ZNF454: variants seen among roughly 807,000 people sequenced by gnomAD.
ZNF454 encodes the protein zinc finger protein 454.
Under a neutral mutation model 48.2 loss-of-function variants are expected in ZNF454, and 30 were observed. That is an observed-to-expected ratio of 0.62 (90% CI 0.47 to 0.84). The LOEUF is 0.84. ZNF454 is among the 40% of genes least tolerant of loss of function. ZNF454 has a pLI of 0.00. For missense variants in ZNF454, 510 were observed against 623.1 expected, an observed-to-expected ratio of 0.82 and a Z score of 1.93; for synonymous variants, 204 against 211.4, an observed-to-expected ratio of 0.97 and a Z score of 0.30.
At chr5:178,989,356 G>A in the ZNF454 span, 1 of 1,613,948 alleles carries the variant, frequency 6.2e-7, no homozygotes, top group South Asian at 1.1e-5. Flanking sequence ...CGAACCAGAT[G>A]TTCCTGCGGT....
chr5:178,952,751 CT>C lies in ZNF454; in HGVS notation c.250+5773del, dbSNP rs113816957. On this transcript the variant is annotated intron_variant, in intron 4 of 4. Transcript: ENST00000519564. ...AATTTCTAATAATATTTACCTTTTT[CT>C]TTTTTTTCTGTGTAAATGTTGTCAA... 4.0e-5 allele frequency among the ~76,000 whole-genome samples: 6 copies of C among 151,444 alleles called. No homozygotes were observed. In the South Asian group the frequency reaches 1.0e-3, roughly 26 times the overall value.
chr5:178,987,047 G>GC, the ZNF454 span: 1 of 1,538,636 alleles, frequency 6.5e-7, no homozygotes, highest in Non-Finnish European at 8.9e-7. Flanking sequence ...TCCTGGGGAG[G>GC]CCCCAGGGAC....
chr5:178,946,765 C>T lies in ZNF454; in HGVS notation c.161-132C>T. 2.4e-6 allele frequency: 2 copies of T among 849,002 alleles called. No homozygotes were observed. Among genetic ancestry groups the T allele is most frequent in the Non-Finnish European group, 3.8e-6 (2 of 530,200 alleles). 52.6% of individuals were successfully genotyped at this position (849,002 alleles called of 1,614,324 possible). Reference sequence around the variant, plus strand: ...AGTAATCTTTTCCTCCCTCTGGGAACACACCTGACCCTGGGCTTTCCTATC... The same window carrying T: ...AGTAATCTTTTCCTCCCTCTGGGAATACACCTGACCCTGGGCTTTCCTATC... On this transcript the variant is annotated intron_variant, in intron 3 of 4. Coordinates refer to ENST00000519564, the MANE Select transcript of ZNF454 (RefSeq NM_001178089.3). The surrounding 1 kb of genome is among the most constrained non-coding windows in gnomAD (Gnocchi z 4.5).
chr5:178,976,456 C>CT, the ZNF454 span, among the ~76,000 whole-genome samples: 2 of 152,006 alleles, frequency 1.3e-5, no homozygotes, highest in South Asian at 4.2e-4. Flanking sequence ...AATAAGCAGT[C>CT]TGTGGGGGGC....
chr5:178,946,443 AGGGACGT>A lies in ZNF454; in HGVS notation c.120_126del (p.Asp41CysfsTer14). ...GAGCCCCGCCCAGAGGGCCCTGTAC[AGGGACGT>A]GATGCTGGAGAACTACAGCAACCTG... On this transcript the variant is annotated frameshift_variant, in exon 3 of 5. Transcript: ENST00000519564. LOFTEE classifies it high-confidence loss of function. The surrounding 1 kb of genome is among the most constrained non-coding windows in gnomAD (Gnocchi z 4.5). 6.2e-7 allele frequency: 1 copy of A among 1,610,432 alleles called. No homozygotes were observed. Among genetic ancestry groups the A allele is most frequent in the Non-Finnish European group, 8.5e-7 (1 of 1,178,996 alleles).
the ZNF454 span, among the ~76,000 whole-genome samples, chr5:178,983,909 A>T: frequency 6.6e-6 from 1 of 152,222 alleles, no homozygotes; most frequent in Non-Finnish European, 1.5e-5. Flanking sequence ...TCACTGTACG[A>T]GAGCGCCTGA....
the ZNF454 span, chr5:178,981,572 G>C: frequency 8.5e-6 from 9 of 1,063,506 alleles, 1 homozygote; most frequent in South Asian, 1.2e-4. This position sits in a 1 kb window ranked among gnomAD's most constrained non-coding sequence, Gnocchi z 5.1. Flanking sequence ...ACTGTTCACC[G>C]TGGACCCGGG....
At chr5:178,976,099 C>G in the ZNF454 span, 1 of 455,674 alleles carries the variant, frequency 2.2e-6, no homozygotes, top group Non-Finnish European at 4.4e-6. Flanking sequence ...GGGCCTTGCA[C>G]TTGCCACTCC....
chr5:178,956,578 C>T (rs906634032), intron 4 of ZNF454, among the ~76,000 whole-genome samples: 3 of 150,958 alleles, frequency 2.0e-5, no homozygotes, highest in Non-Finnish European at 4.4e-5. Flanking sequence ...GGCAAATCCC[C>T]CAGTTCCCTT....
At chr5:178,989,239 C>T in the ZNF454 span, 2 of 1,502,146 alleles carry the variant, frequency 1.3e-6, no homozygotes, top group African/African-American at 1.4e-5. Context: ...ACCCTCCCCA[C>T]CCTCACCACC....
At chr5:178,957,968 G>T (rs528862129) in intron 4 of ZNF454, among the ~76,000 whole-genome samples, 131 of 152,178 alleles carry the variant, frequency 8.6e-4, no homozygotes, top group African/African-American at 3.0e-3. Flanking sequence ...TAGATGATGT[G>T]TTTTTAATCA....
intron 4 of ZNF454, among the ~76,000 whole-genome samples, chr5:178,961,347 C>G (rs1214932019): frequency 6.8e-6 from 1 of 147,354 alleles, no homozygotes; most frequent in Non-Finnish European, 1.5e-5. Flanking sequence ...GTCCTTTTTT[C>G]CTTCCTTCTA....
At chr5:178,983,298 G>T in the ZNF454 span, 1 of 1,282,420 alleles carries the variant, frequency 7.8e-7, no homozygotes, top group Non-Finnish European at 1.1e-6. Flanking sequence ...AGGCCCCTGC[G>T]GGTCAGGATC....
intron 2 of ZNF454, among the ~76,000 whole-genome samples, chr5:178,943,758 G>T (rs753145759): frequency 1.3e-5 from 2 of 152,226 alleles, no homozygotes; most frequent in Non-Finnish European, 2.9e-5. Context: ...AGACGCGGTG[G>T]CTCACGCCTG....
chr5:178,983,679 A>G, the ZNF454 span: 1 of 357,254 alleles, frequency 2.8e-6, no homozygotes, highest in South Asian at 2.1e-5. Flanking sequence ...CACAGGCAAG[A>G]GAAACAAAGG....
the ZNF454 span, chr5:178,989,033 T>G: frequency 2.5e-6 from 4 of 1,614,046 alleles, no homozygotes; most frequent in Non-Finnish European, 3.4e-6. Context: ...GAGCGCCTGG[T>G]GCATGCTGTG....
At chr5:178,956,217 C>A (rs780104408) in intron 4 of ZNF454, among the ~76,000 whole-genome samples, 11 of 152,096 alleles carry the variant, frequency 7.2e-5, no homozygotes, top group Non-Finnish European at 1.5e-4. Flanking sequence ...TCCTGTTTTA[C>A]AGTTAAAATA....
At chr5:178,985,718 A>AAAAAC in the ZNF454 span, 81 of 420,982 alleles carry the variant, frequency 1.9e-4, no homozygotes, top group African/African-American at 1.2e-3. Context: ...AAAAAAACAA[A>AAAAAC]ACAACACAGG....
intron 4 of ZNF454, among the ~76,000 whole-genome samples, chr5:178,962,476 G>A (rs1456806405): frequency 6.6e-6 from 1 of 151,300 alleles, no homozygotes; most frequent in Non-Finnish European, 1.5e-5. Flanking sequence ...TATTTTTGTA[G>A]CTCACTATTC....
Sources: gnomAD v4.1 joint callset for allele counts (sites outside exome capture counted in the v4.1 genomes callset) on GRCh38, gnomAD v4.1.1 for gene constraint, Gnocchi (gnomAD v3.1) non-coding constraint, MANE v1.5 for transcripts, NCBI Gene and HGNC (gene_info 2026-07-23, HGNC 2026-07-21) for gene names.